CEP350: variants seen among roughly 807,000 people sequenced by gnomAD.
The protein encoded by CEP350 is centrosome-associated protein 350.
In CEP350, 126 loss-of-function variants were observed where a neutral mutation model predicts 331.8. The ratio of observed to expected loss-of-function variants is 0.38; its 90% CI spans 0.33 to 0.44. The LOEUF (loss-of-function observed/expected upper bound fraction) is 0.44. Ranked by LOEUF, CEP350 falls within the 20% of genes least tolerant of loss-of-function variation. The pLI, the probability that CEP350 is intolerant of heterozygous loss-of-function variation, is 1.00. For missense variants in CEP350, 3,406 were observed against 3,634.6 expected (o/e 0.94, Z 1.62); for synonymous variants, 1,200 against 1,259.5 (o/e 0.95, Z 1.00).
At chr1:180,089,069 A>G (rs1398924062) in intron 32 of CEP350, among the ~76,000 whole-genome samples, 2 of 152,144 alleles carry the variant, frequency 1.3e-5, no homozygotes, top group Non-Finnish European at 2.9e-5. Flanking sequence ...ATGATATGCT[A>G]TTGAATGGGT....
chr1:180,020,221 G>A lies in CEP350; in HGVS notation c.2447G>A (p.Ser816Asn), dbSNP rs1558105378. ...GATGCCTTGTTAAAACCTAGTGCCA[G>A]CCAATATAAGAGTAAACTGGATCGT... is the stretch of plus-strand genomic sequence containing the variant. ...YTDALLKPSA[S>N]QYKSKLDRIE... Residue 816 changes from serine (S) to asparagine (N), a missense_variant, in exon 12 of 38, where the codon AGC becomes AAC. This residue lies in a region of CEP350 where 1,857 missense variants were observed against 1,909.2 expected (regional missense o/e 0.97). Coordinates refer to ENST00000367607, the MANE Select transcript of CEP350 (RefSeq NM_014810.5). The A allele has an allele frequency of 6.2e-7, 1 of 1,614,006 alleles. No individual in the cohort carries two copies. Among genetic ancestry groups the A allele is most frequent in the Non-Finnish European group, 8.5e-7 (1 of 1,179,892 alleles).
chr1:180,002,396 C>G (rs1395324466), intron 6 of CEP350, among the ~76,000 whole-genome samples: 1 of 152,124 alleles, frequency 6.6e-6, no homozygotes, highest in Non-Finnish European at 1.5e-5. Flanking sequence ...ATTGCTTGAA[C>G]CCAGGAGGTG....
At chr1:180,043,827 G>C (rs1571912901) in intron 20 of CEP350, among the ~76,000 whole-genome samples, 1 of 151,464 alleles carries the variant, frequency 6.6e-6, no homozygotes, top group Admixed American at 6.6e-5. Context: ...TATTTTGACT[G>C]TCTCTAATTC....
rs867877495 is a variant in CEP350 at position 180,093,484 on chromosome 1, C to G, written c.7379C>G (p.Ser2460Cys). ...VHSDRLLELK[S>C]PTELMKSKER... ...TCTGACAGGCTGTTGGAACTCAAGT[C>G]CCCTACTGAGCTGATGAAAAGTAAG... Residue 2460 changes from serine to cysteine, a missense_variant, in exon 34 of 38, where the codon TCC (serine) becomes TGC (cysteine). This residue lies in a region of CEP350 where 1,415 missense variants were observed against 1,512.3 expected (regional missense o/e 0.94). Transcript: ENST00000367607. 1 of 1,610,330 alleles carries G rather than the reference C, an allele frequency of 6.2e-7. No individual in the cohort carries two copies. The highest frequency in any genetic ancestry group is 2.2e-5 in the East Asian group (1 of 44,844).
chr1:180,107,864 G>T (rs567786650), intron 37 of CEP350, among the ~76,000 whole-genome samples: 22 of 135,966 alleles, frequency 1.6e-4, no homozygotes, highest in African/African-American at 5.6e-4. Flanking sequence ...ACAAAAAACT[G>T]TTAGTCTTTT....
intron 14 of CEP350, among the ~76,000 whole-genome samples, chr1:180,025,100 AT>A (rs1356680755): frequency 6.6e-6 from 1 of 151,804 alleles, no homozygotes; most frequent in East Asian, 1.9e-4. Context: ...AATTTTTTGT[AT>A]TTTTAGTAGA....
intron 6 of CEP350, chr1:180,000,854 T>C (rs1653819715): frequency 6.6e-6 from 1 of 152,274 alleles, no homozygotes; most frequent in Non-Finnish European, 1.5e-5. Context: ...ACCACACTTT[T>C]TTAATGGCAA....
chr1:180,101,457 C>T (rs1660804376), intron 37 of CEP350, among the ~76,000 whole-genome samples: 1 of 152,098 alleles, frequency 6.6e-6, no homozygotes, highest in South Asian at 2.1e-4. Context: ...TTTTTAATAA[C>T]ACGTAAAAGT....
intron 28 of CEP350, among the ~76,000 whole-genome samples, chr1:180,077,523 C>T (rs1036079573): frequency 4.0e-5 from 6 of 151,510 alleles, no homozygotes; most frequent in East Asian, 1.9e-4. Flanking sequence ...AAATATTAGC[C>T]GGGCATGGTG....
At chr1:179,995,547 G>A (rs1279241431) in intron 5 of CEP350, among the ~76,000 whole-genome samples, 1 of 152,214 alleles carries the variant, frequency 6.6e-6, no homozygotes, top group Non-Finnish European at 1.5e-5. Flanking sequence ...AGAGGTTGCA[G>A]TGAGCGAGAT....
Position 180,033,914 on chromosome 1 carries a change from C to A in CEP350, c.3778C>A (p.Pro1260Thr). Reference protein sequence around the residue: ...SQKTPTSPLSPSSQKSLQFDV... With the variant: ...SQKTPTSPLSTSSQKSLQFDV... Reference sequence around the variant, plus strand: ...GAAAACTCCAACTTCTCCCCTGTCACCAAGTTCCCAGAAATCATTGCAGTT... The same window carrying A: ...GAAAACTCCAACTTCTCCCCTGTCAACAAGTTCCCAGAAATCATTGCAGTT... Residue 1260 changes from proline to threonine, a missense_variant, in exon 16 of 38, where the codon CCA becomes ACA. Pro to Thr is a conservative substitution (Grantham distance 38). Around this residue, in one of 5 missense-constraint regions of CEP350, gnomAD observed 1,857 missense variants for 1,909.2 expected, o/e 0.97. Coordinates refer to ENST00000367607, the MANE Select transcript of CEP350 (RefSeq NM_014810.5). 1 of 1,613,880 alleles carries A rather than the reference C, an allele frequency of 6.2e-7. No individual in the cohort carries two copies. Among genetic ancestry groups the A allele is most frequent in the Non-Finnish European group, 8.5e-7 (1 of 1,179,826 alleles).
rs139482187 is a variant in CEP350, at chr1:180,091,286, T to A, written c.6508+490T>A. ...CTCCCACCTCAGCCTGGTTGAACATTACCAGCACTTCAGCCAAAGTGGTGA... is the reference window on the plus strand; with the variant it reads ...CTCCCACCTCAGCCTGGTTGAACATAACCAGCACTTCAGCCAAAGTGGTGA... On this transcript the variant is annotated intron_variant, in intron 33 of 37. Coordinates refer to ENST00000367607, the MANE Select transcript of CEP350 (RefSeq NM_014810.5). Among the ~76,000 whole-genome samples the A allele has an allele frequency of 4.3e-3, 656 of 152,128 alleles. 4 individuals are homozygous for A. The highest frequency in any genetic ancestry group is 6.3e-3 in the Non-Finnish European group (431 of 68,002).
intron 22 of CEP350, among the ~76,000 whole-genome samples, chr1:180,052,746 A>T (rs1420520005): frequency 6.6e-6 from 1 of 152,106 alleles, no homozygotes; most frequent in Admixed American, 6.5e-5. Context: ...ATTTTTTGCA[A>T]CATTAATCTT....
chr1:180,107,107 T>G (rs1661187596), intron 37 of CEP350, among the ~76,000 whole-genome samples: 1 of 152,212 alleles, frequency 6.6e-6, no homozygotes, highest in Non-Finnish European at 1.5e-5. Flanking sequence ...AAGACAGCCT[T>G]TCAGCATTCA....
intron 14 of CEP350, among the ~76,000 whole-genome samples, chr1:180,027,326 C>T (rs1655743338): frequency 6.6e-6 from 1 of 152,116 alleles, no homozygotes; most frequent in African/African-American, 2.4e-5. Context: ...AAGGATTACC[C>T]ACTAAATAAA....
rs1656180303 is a variant in CEP350, at chr1:180,033,847, G to A, written c.3726-15G>A. ...TTTTCCTTCCTCTAATGTTTTTGTGGATCAAAACTTCTAGTGTCTCATCAG... is the reference window on the plus strand; with the variant it reads ...TTTTCCTTCCTCTAATGTTTTTGTGAATCAAAACTTCTAGTGTCTCATCAG... On this transcript the variant is annotated splice_polypyrimidine_tract_variant and intron_variant, in intron 15 of 37. Transcript: ENST00000367607. The A allele has an allele frequency of 6.2e-7, 1 of 1,608,882 alleles. No individual in the cohort carries two copies. The highest frequency in any genetic ancestry group is 1.7e-4 in the Middle Eastern group (1 of 6,044).
intron 1 of CEP350, among the ~76,000 whole-genome samples, chr1:179,967,417 C>A (rs1223503472): frequency 6.6e-6 from 1 of 152,024 alleles, no homozygotes; most frequent in African/African-American, 2.4e-5. Context: ...TGTTTCATTT[C>A]TTTTCTTTTT....
At chr1:179,984,448 A>G (rs1652508424) in intron 1 of CEP350, among the ~76,000 whole-genome samples, 4 of 152,344 alleles carry the variant, frequency 2.6e-5, no homozygotes, top group South Asian at 2.1e-4. Context: ...CCACATAGCT[A>G]TAGGCAGGCG....
chr1:180,060,930 A>G (rs1410923565), intron 25 of CEP350, among the ~76,000 whole-genome samples: 3 of 152,180 alleles, frequency 2.0e-5, no homozygotes, highest in Non-Finnish European at 4.4e-5. Flanking sequence ...CAAACCCATG[A>G]TAGTTGTTAC....
Sources: allele counts gnomAD v4.1 joint callset (sites outside exome capture counted in the v4.1 genomes callset), GRCh38; gene constraint gnomAD v4.1.1; regional missense constraint gnomAD v4.1.1; transcripts MANE v1.5; gene names NCBI Gene and HGNC (gene_info 2026-07-23, HGNC 2026-07-21).